The following TG variants were observed in gnomAD, a reference collection of about 807,000 sequenced individuals.
The protein encoded by TG is thyroid hormones.
Under a neutral mutation model 324.7 loss-of-function variants are expected in TG, and 270 were observed. That is an observed-to-expected ratio of 0.83 (90% CI 0.75 to 0.92). TG has a LOEUF of 0.92. Among genes scored for constraint, TG ranks in the 40% least tolerant of loss-of-function variants. The probability of loss-of-function intolerance (pLI) is 0.00; values close to 1 mark genes in which losing one functional copy is unlikely to be tolerated. For synonymous variants in TG, 1,401 were observed against 1,327.0 expected (o/e 1.06, Z -1.21); for missense variants, 3,591 against 3,456.4 (o/e 1.04, Z -0.98).
chr8:133,021,902 G>A, intron 39 of TG, 89 bp from the exon 40 acceptor site: 1 of 1,523,078 alleles, frequency 6.6e-7, no homozygotes, highest in East Asian at 2.3e-5. Context: ...GCTGGCCAGA[G>A]GAGTCCTGTG....
rs758834729 is a variant in TG, at chr8:132,967,984, G to A, written c.5863+14G>A. 2.5e-4 allele frequency: 406 copies of A among 1,612,474 alleles called. No homozygotes were observed. Among genetic ancestry groups the A allele is most frequent in the Non-Finnish European group, 2.9e-4 (343 of 1,179,616 alleles). On this transcript the variant is annotated intron_variant, in intron 31 of 47. Transcript: ENST00000220616. Reference sequence around the variant, plus strand: ...TCCGGAAGAAAGGTGAGCACTTGGAGAGATCTGCATAAACTGTATTTCCAA... The same window carrying A: ...TCCGGAAGAAAGGTGAGCACTTGGAAAGATCTGCATAAACTGTATTTCCAA...
chr8:133,009,695 T>G (rs1024803976), intron 35 of TG, among the ~76,000 whole-genome samples: 1 of 151,800 alleles, frequency 6.6e-6, no homozygotes, highest in South Asian at 2.1e-4. Context: ...TCGGTGCCCT[T>G]CTAAAAGAGG....
chr8:133,056,689 C>T (rs193023257), intron 41 of TG, among the ~76,000 whole-genome samples: 64 of 152,304 alleles, frequency 4.2e-4, no homozygotes, highest in African/African-American at 1.9e-4. Context: ...CTGTGAGAAT[C>T]GAGTCTGCAT....
chr8:132,974,251 C>T (rs1175322144), intron 34 of TG, among the ~76,000 whole-genome samples: 1 of 152,182 alleles, frequency 6.6e-6, no homozygotes, highest in East Asian at 1.9e-4. Flanking sequence ...GCCTCGGCCT[C>T]CCAAAGTGCT....
At chr8:132,994,922 T>C (rs1832728168) in intron 35 of TG, 3 of 1,122,552 alleles carry the variant, frequency 2.7e-6, no homozygotes, top group Non-Finnish European at 3.3e-6. Flanking sequence ...TATTCAAATA[T>C]GTTGAAGATT....
At chr8:133,107,926 C>T (rs1171272953) in intron 43 of TG, among the ~76,000 whole-genome samples, 1 of 151,988 alleles carries the variant, frequency 6.6e-6, no homozygotes, top group East Asian at 1.9e-4. Context: ...TTCCGCAGAA[C>T]CCATGAAGGA....
chr8:132,945,355 G>A (rs1825094348), intron 26 of TG, among the ~76,000 whole-genome samples: 1 of 152,150 alleles, frequency 6.6e-6, no homozygotes, highest in Non-Finnish European at 1.5e-5. Flanking sequence ...AGGTGTCAAT[G>A]ATTATTCTTG....
At chr8:133,088,138 A>G (rs1307532507) in intron 41 of TG, among the ~76,000 whole-genome samples, 1 of 152,186 alleles carries the variant, frequency 6.6e-6, no homozygotes, top group African/African-American at 2.4e-5. Flanking sequence ...ATGTGAATCA[A>G]AGCAACTTGG....
intron 34 of TG, 70 bp from the exon 35 acceptor site, chr8:132,983,280 T>A: frequency 6.6e-7 from 1 of 1,514,612 alleles, no homozygotes; most frequent in Admixed American, 1.7e-5. Flanking sequence ...TATACTTATA[T>A]TAATGCCTTC....
At chr8:133,027,557 A>G (rs891565295) in intron 40 of TG, among the ~76,000 whole-genome samples, 2 of 152,206 alleles carry the variant, frequency 1.3e-5, no homozygotes, top group African/African-American at 2.4e-5. Context: ...ACCCAGACTG[A>G]TGAGATAGCC....
intron 15 of TG, among the ~76,000 whole-genome samples, chr8:132,900,947 T>A (rs1458870102): frequency 6.6e-6 from 1 of 152,200 alleles, no homozygotes; most frequent in Non-Finnish European, 1.5e-5. Context: ...CCACCTGCAA[T>A]ATGTCCGTCT....
chr8:132,959,157 C>G (rs890836630), intron 27 of TG, among the ~76,000 whole-genome samples: 2 of 152,130 alleles, frequency 1.3e-5, no homozygotes, highest in African/African-American at 4.8e-5. Flanking sequence ...TTTGTCTCAC[C>G]TTTGTGTCCT....
chr8:132,935,075 T>A (rs936845862), intron 24 of TG, among the ~76,000 whole-genome samples: 1 of 151,696 alleles, frequency 6.6e-6, no homozygotes, highest in Non-Finnish European at 1.5e-5. Flanking sequence ...AAATTCTGGG[T>A]CCCTGAGTCT....
chr8:133,057,055 G>A (rs932913274), intron 41 of TG, among the ~76,000 whole-genome samples: 1 of 152,142 alleles, frequency 6.6e-6, no homozygotes, highest in African/African-American at 2.4e-5. Flanking sequence ...GGTTTGAGAG[G>A]TCCCTACCTC....
At chr8:132,934,615 T>C (rs531087886) in intron 24 of TG, among the ~76,000 whole-genome samples, 2 of 152,344 alleles carry the variant, frequency 1.3e-5, no homozygotes, top group South Asian at 4.1e-4. Flanking sequence ...TCCAAGGCTC[T>C]TCCTCCTCTC....
chr8:132,918,879 C>T (rs893732106), intron 20 of TG, among the ~76,000 whole-genome samples: 1 of 152,184 alleles, frequency 6.6e-6, no homozygotes, highest in African/African-American at 2.4e-5. Flanking sequence ...CATGCATGGA[C>T]GTCTGAGGCT....
At chr8:132,960,923 C>A in intron 27 of TG, 85 bp from the exon 28 acceptor site, 1 of 1,335,968 alleles carries the variant, frequency 7.5e-7, no homozygotes, top group Non-Finnish European at 1.1e-6. Flanking sequence ...GAGCCTGTGT[C>A]AAGGGAGATG....
chr8:132,994,904 C>T, intron 35 of TG: 1 of 1,171,350 alleles, frequency 8.5e-7, no homozygotes, highest in Admixed American at 3.5e-5. Flanking sequence ...AGCTCCCTGT[C>T]ACTGGAGTAT....
chr8:132,954,711 C>T lies in TG; in HGVS notation c.5401+5768C>T, dbSNP rs2741213. ...GAACAGCAGTTCATGTTGCATACGTCATTTCCACTCATCATCTAAGACCTG... is the reference window on the plus strand; with the variant it reads ...GAACAGCAGTTCATGTTGCATACGTTATTTCCACTCATCATCTAAGACCTG... On this transcript the variant is annotated intron_variant, in intron 27 of 47. Transcript: ENST00000220616. 2.8e-3 allele frequency among the ~76,000 whole-genome samples: 433 copies of T among 152,302 alleles called. 17 individuals are homozygous for T. In the East Asian group the frequency reaches 0.073, roughly 26 times the overall value.
Sources: gnomAD v4.1 joint callset for allele counts (sites outside exome capture counted in the v4.1 genomes callset) on GRCh38, gnomAD v4.1.1 for gene constraint, MANE v1.5 for transcripts, NCBI Gene and HGNC (gene_info 2026-07-23, HGNC 2026-07-21) for gene names.